PTAFR: variants seen among roughly 807,000 people sequenced by gnomAD.
The protein encoded by PTAFR is platelet activating factor receptor, also known as platelet-activating factor receptor.
In PTAFR, 8 loss-of-function variants were observed where a neutral mutation model predicts 14.7. That is an observed-to-expected ratio of 0.54 (90% confidence interval 0.32 to 0.98). The LOEUF (loss-of-function observed/expected upper bound fraction) is 0.98. Among genes scored for constraint, PTAFR ranks in the 50% least tolerant of loss-of-function variants. PTAFR has a pLI of 0.04. For synonymous variants in PTAFR, 156 were observed against 176.5 expected (o/e 0.88, Z 0.92); for missense variants, 337 against 451.2 (o/e 0.75, Z 2.29).
intron 1 of PTAFR, among the ~76,000 whole-genome samples, chr1:28,152,377 G>A (rs1254509585): frequency 2.6e-5 from 4 of 152,028 alleles, no homozygotes; most frequent in African/African-American, 7.2e-5. Flanking sequence ...CAAGGTGGGC[G>A]GATCGCCTGA....
intron 1 of PTAFR, among the ~76,000 whole-genome samples, chr1:28,154,180 G>T (rs1055969106): frequency 6.6e-6 from 1 of 151,218 alleles, no homozygotes; most frequent in African/African-American, 2.4e-5. Context: ...GTGCTTCCAC[G>T]TGTACTACCT....
chr1:28,183,099 G>A (rs1459468499), intron 1 of PTAFR, among the ~76,000 whole-genome samples: 3 of 152,124 alleles, frequency 2.0e-5, no homozygotes, highest in African/African-American at 2.4e-5. Flanking sequence ...GAACAGCAGT[G>A]AAAAAGAAAA....
chr1:28,178,602 T>C (rs1360915752), upstream of PTAFR, among the ~76,000 whole-genome samples: 21 of 151,982 alleles, frequency 1.4e-4, no homozygotes, highest in Non-Finnish European at 1.5e-5. Context: ...CATGTAGAAC[T>C]AGAGCCAAGC....
Position 28,150,915 on chromosome 1 carries a change from A to G in PTAFR, c.107T>C (p.Val36Ala). The stretch of plus-strand genomic sequence containing the variant: ...GTACAGGCGGGCAAAGACCCACAGC[A>G]CGTAGCCATTAGCAATGACCCCGAG... ...FVLGVIANGY[V>A]LWVFARLYPC... is the part of the protein sequence containing the mutation. Residue 36 changes from valine to alanine, a missense_variant, in exon 2 of 2, where the codon GTG (valine) becomes GCG (alanine). Physicochemically the swap from Val to Ala is moderately conservative, Grantham distance 64 (BLOSUM62 0). Coordinates refer to ENST00000373857, the MANE Select transcript of PTAFR (RefSeq NM_000952.5). The surrounding 1 kb of genome is among the most constrained non-coding windows in gnomAD (Gnocchi z 6.3). The G allele has an allele frequency of 6.2e-7, 1 of 1,614,040 alleles. No individual in the cohort carries two copies. Among genetic ancestry groups the G allele is most frequent in the Non-Finnish European group, 8.5e-7 (1 of 1,179,986 alleles).
rs112047276 is a variant in PTAFR at position 28,149,904 on chromosome 1, G to A, written c.*89C>T. On this transcript the variant is annotated 3_prime_UTR_variant, in exon 2 of 2. Coordinates refer to ENST00000373857, the MANE Select transcript of PTAFR (RefSeq NM_000952.5). Reference sequence around the variant, plus strand: ...ATGGCCCACCAGTGCCCACAGAGGTGGTGCCCAGACCACAGTAGATATCCC... The same window carrying A: ...ATGGCCCACCAGTGCCCACAGAGGTAGTGCCCAGACCACAGTAGATATCCC... 530 of 1,478,728 alleles carry A rather than the reference G, an allele frequency of 3.6e-4. 1 individual carries two copies. The African/African-American group carries it at 4.8e-3, about 13-fold the overall frequency. The allele number at this position is 1,478,728 out of a possible 1,614,324, so 91.6% of individuals were successfully genotyped here. A position where few individuals can be genotyped will look rare whatever the true frequency, so the allele number is the denominator to read the frequency against.
At chr1:28,183,795 A>G (rs144345603) in intron 1 of PTAFR, among the ~76,000 whole-genome samples, 3,215 of 152,114 alleles carry the variant, frequency 0.021, 127 homozygotes, top group African/African-American at 0.073. Context: ...GCAGAGGCAG[A>G]AGAATCACTT....
At chr1:28,152,834 G>A (rs1043671520) in intron 1 of PTAFR, among the ~76,000 whole-genome samples, 30 of 152,298 alleles carry the variant, frequency 2.0e-4, no homozygotes, top group African/African-American at 5.8e-4. Context: ...CTATATATGC[G>A]TGTTTGAATA....
At chr1:28,179,670 A>T (rs866809635), upstream of PTAFR, among the ~76,000 whole-genome samples, 43 of 152,064 alleles carry the variant, frequency 2.8e-4, no homozygotes, top group African/African-American at 6.0e-4. Flanking sequence ...AATAATAATT[A>T]AAAAAAGAGC....
rs1646475324 is a variant in PTAFR at position 28,173,441 on chromosome 1, C to T, written c.-39+3151G>A. ...GGCATCATGTCAAACCCCACCTCTACAAAAAACAAACAAACAAACAAAACA... is the reference window on the plus strand; with the variant it reads ...GGCATCATGTCAAACCCCACCTCTATAAAAAACAAACAAACAAACAAAACA... On this transcript the variant is annotated intron_variant, in intron 1 of 1. Transcript: ENST00000373857. 2.0e-5 allele frequency among the ~76,000 whole-genome samples: 3 copies of T among 151,674 alleles called. No homozygotes were observed. In the South Asian group the frequency reaches 6.2e-4, roughly 31 times the overall value.
intron 1 of PTAFR, among the ~76,000 whole-genome samples, chr1:28,175,864 G>A (rs750759114): frequency 6.6e-5 from 10 of 152,086 alleles, no homozygotes; most frequent in East Asian, 1.9e-4. Context: ...GAGATGGAGC[G>A]TAACTTGGCC....
intron 1 of PTAFR, among the ~76,000 whole-genome samples, chr1:28,174,758 A>T: frequency 6.6e-6 from 1 of 152,198 alleles, no homozygotes; most frequent in East Asian, 1.9e-4. Context: ...CAGTGAACAA[A>T]ACAGTTTCCT....
chr1:28,178,242 A>G (rs188346138), upstream of PTAFR, among the ~76,000 whole-genome samples: 216 of 152,184 alleles, frequency 1.4e-3, 1 homozygote, highest in African/African-American at 5.1e-3. Flanking sequence ...TCAAAGGACA[A>G]AACACTTTTT....
At chr1:28,160,604 G>A (rs1038640168) in intron 1 of PTAFR, among the ~76,000 whole-genome samples, 5 of 123,676 alleles carry the variant, frequency 4.0e-5, no homozygotes, top group Admixed American at 1.1e-4. Flanking sequence ...CAGGAAAATT[G>A]TGCCTGCATG....
At chr1:28,182,480 C>T (rs1646570233) in intron 1 of PTAFR, among the ~76,000 whole-genome samples, 1 of 151,968 alleles carries the variant, frequency 6.6e-6, no homozygotes, top group African/African-American at 2.4e-5. Context: ...TTGAGACCAG[C>T]CTGGACAACA....
At chr1:28,173,097 C>T (rs1213539401) in intron 1 of PTAFR, among the ~76,000 whole-genome samples, 9 of 118,228 alleles carry the variant, frequency 7.6e-5, no homozygotes, top group African/African-American at 2.2e-4. Flanking sequence ...AGCAAGATCC[C>T]GTTTCCACAA....
chr1:28,179,369 G>A (rs2149005548), upstream of PTAFR, among the ~76,000 whole-genome samples: 1 of 152,306 alleles, frequency 6.6e-6, no homozygotes, highest in South Asian at 2.1e-4. Flanking sequence ...TGTGGCAACT[G>A]CAGATCAGCA....
chr1:28,188,655 A>C (rs1646625335), intron 1 of PTAFR, among the ~76,000 whole-genome samples: 1 of 152,052 alleles, frequency 6.6e-6, no homozygotes. Context: ...GAATCCCTTG[A>C]ATCCTAGAGG....
At chr1:28,165,328 C>T (rs1411439875) in intron 1 of PTAFR, among the ~76,000 whole-genome samples, 3 of 134,610 alleles carry the variant, frequency 2.2e-5, no homozygotes, top group Non-Finnish European at 4.6e-5. Flanking sequence ...TCACTTGAAC[C>T]GGGAGGCGGA....
chr1:28,151,820 G>T (rs928194996), intron 1 of PTAFR, among the ~76,000 whole-genome samples: 10 of 152,166 alleles, frequency 6.6e-5, no homozygotes, highest in Non-Finnish European at 1.5e-4. Context: ...CACTAAACCT[G>T]CTGGTGCCTT....
Sources: gnomAD v4.1 joint callset for allele counts (sites outside exome capture counted in the v4.1 genomes callset) on GRCh38, gnomAD v4.1.1 for gene constraint, Gnocchi (gnomAD v3.1) non-coding constraint, MANE v1.5 for transcripts, NCBI Gene and HGNC (gene_info 2026-07-23, HGNC 2026-07-21) for gene names.